SBF2: variants seen among roughly 807,000 people sequenced by gnomAD.
SBF2 encodes the protein myotubularin-related protein 13.
A neutral mutation model predicts 225.2 loss-of-function variants in SBF2; 112 were observed. The ratio of observed to expected loss-of-function variants is 0.50; its 90% CI spans 0.43 to 0.58. SBF2 has a LOEUF of 0.58. Ranked by LOEUF, SBF2 falls within the 20% of genes least tolerant of loss-of-function variation. The pLI is 0.00. For synonymous variants in SBF2, 763 were observed against 773.3 expected (o/e 0.99, Z 0.22); for missense variants, 1,996 against 2,206.2 (o/e 0.90, Z 1.91).
chr11:9,822,316 A>G (rs1228861653), intron 28 of SBF2, among the ~76,000 whole-genome samples: 1 of 142,504 alleles, frequency 7.0e-6, no homozygotes, highest in Non-Finnish European at 1.5e-5. Context: ...GCTGGAGTGC[A>G]GTGGCGCGAT....
At chr11:10,038,055 G>T (rs1949513516) in intron 3 of SBF2, among the ~76,000 whole-genome samples, 2 of 151,888 alleles carry the variant, frequency 1.3e-5, no homozygotes, top group African/African-American at 2.4e-5. Flanking sequence ...GTTGGACACT[G>T]ATCTCCTATA....
At chr11:9,968,769 T>G (rs2134389095) in intron 13 of SBF2, among the ~76,000 whole-genome samples, 1 of 152,312 alleles carries the variant, frequency 6.6e-6, no homozygotes, top group South Asian at 2.1e-4. Flanking sequence ...AACACTTTCT[T>G]TACTTGGTTT....
intron 6 of SBF2, among the ~76,000 whole-genome samples, chr11:10,004,225 C>G (rs1014237626): frequency 3.9e-5 from 6 of 152,000 alleles, no homozygotes; most frequent in Admixed American, 3.3e-4. Context: ...AATCTAAATA[C>G]AATTTTCAAG....
chr11:9,831,689 T>C (rs1350249241), intron 27 of SBF2, among the ~76,000 whole-genome samples: 3 of 152,234 alleles, frequency 2.0e-5, no homozygotes, highest in Non-Finnish European at 4.4e-5. Context: ...CCTCAGAATA[T>C]GGGACAGCTG....
At chr11:9,786,059 A>T (rs1220341080) in intron 36 of SBF2, among the ~76,000 whole-genome samples, 1 of 151,954 alleles carries the variant, frequency 6.6e-6, no homozygotes, top group Non-Finnish European at 1.5e-5. Context: ...GTAGAGACAG[A>T]GTTTCACCAT....
chr11:10,217,026 A>G (rs542857426), intron 1 of SBF2, among the ~76,000 whole-genome samples: 1 of 152,210 alleles, frequency 6.6e-6, no homozygotes, highest in Non-Finnish European at 1.5e-5. Flanking sequence ...TAAGTATACC[A>G]CTTTCCTTGC....
At position 9,858,276 on chromosome 11, in the gene SBF2, G is replaced by T. The variant is rs146987383; in HGVS notation, c.2050C>A (p.Leu684Ile). Residue 684 changes from leucine (L) to isoleucine (I), a missense_variant, in exon 18 of 40, where the codon CTT becomes ATT. Coordinates refer to ENST00000256190, the MANE Select transcript of SBF2 (RefSeq NM_030962.4). Reference protein sequence around the residue: ...YNAVQEQVRSLYLSAKEDNHA... With the variant: ...YNAVQEQVRSIYLSAKEDNHA... ...TTGTCTTCCTTGGCTGAGAGATAAAGGGAGCGAACCTGTTCCTGCACTGCA... is the reference window on the plus strand; with the variant it reads ...TTGTCTTCCTTGGCTGAGAGATAAATGGAGCGAACCTGTTCCTGCACTGCA... 6.2e-7 allele frequency: 1 copy of T among 1,614,178 alleles called. No individual in the cohort carries two copies. Among genetic ancestry groups the T allele is most frequent in the Admixed American group, 1.7e-5 (1 of 60,028 alleles).
intron 35 of SBF2, among the ~76,000 whole-genome samples, chr11:9,788,490 T>C (rs1266005430): frequency 6.6e-6 from 1 of 152,020 alleles, no homozygotes; most frequent in African/African-American, 2.4e-5. Flanking sequence ...AGCCAAGACC[T>C]GACTAAGGCT....
chr11:10,145,126 T>G (rs1376096964), intron 2 of SBF2, among the ~76,000 whole-genome samples: 1 of 152,148 alleles, frequency 6.6e-6, no homozygotes, highest in Non-Finnish European at 1.5e-5. Context: ...AGGGCCTCAG[T>G]TAGGACAACC....
chr11:10,047,391 G>T (rs1949903732), intron 2 of SBF2, among the ~76,000 whole-genome samples: 1 of 152,164 alleles, frequency 6.6e-6, no homozygotes, highest in African/African-American at 2.4e-5. Context: ...TAGTAGACAA[G>T]ACAGTGTGAT....
At chr11:10,081,419 A>T (rs1951358178) in intron 2 of SBF2, among the ~76,000 whole-genome samples, 1 of 152,232 alleles carries the variant, frequency 6.6e-6, no homozygotes, top group Non-Finnish European at 1.5e-5. Flanking sequence ...TCTGGGATAC[A>T]GCAAAAGCAG....
chr11:9,995,988 A>G (rs1016382593), intron 9 of SBF2, among the ~76,000 whole-genome samples: 1 of 152,008 alleles, frequency 6.6e-6, no homozygotes. Flanking sequence ...TTCACAGTAC[A>G]TTAAGTAGTA....
At chr11:9,876,930 G>A (rs1277608123) in intron 17 of SBF2, among the ~76,000 whole-genome samples, 2 of 152,036 alleles carry the variant, frequency 1.3e-5, no homozygotes, top group Non-Finnish European at 1.5e-5. Context: ...GTAAAGACAG[G>A]GTTTCACCAT....
chr11:10,222,407 G>A (rs1051747745), intron 1 of SBF2, among the ~76,000 whole-genome samples: 1 of 151,630 alleles, frequency 6.6e-6, no homozygotes, highest in African/African-American at 2.4e-5. Context: ...AACACAACAA[G>A]TTTGAAAAAT....
At position 9,993,388 on chromosome 11, in the gene SBF2, G is replaced by GTGTTCAGC. The variant is rs11281911; in HGVS notation, c.1054-293_1054-286dup. 0.18 allele frequency among the ~76,000 whole-genome samples: 27,389 copies of GTGTTCAGC among 151,986 alleles called. 2,563 individuals are homozygous for GTGTTCAGC. The highest frequency in any genetic ancestry group is 0.27 in the East Asian group (1,415 of 5,148). On this transcript the variant is annotated intron_variant, in intron 10 of 39. Transcript: ENST00000256190. ...GAAGGTCAAGAATGCTTAAGTATAT[G>GTGTTCAGC]TGTTCAGCTCCCTGAGGTTCCTTAT...
chr11:9,847,111 C>G, intron 22 of SBF2, 28 bp from the exon 23 acceptor site: 9 of 1,613,330 alleles, frequency 5.6e-6, no homozygotes, highest in Non-Finnish European at 7.6e-6. Context: ...ACAGCTTCAG[C>G]AACAACACTT....
In SBF2 at chr11:9,781,489, GAAGT is replaced by G. The variant is rs1326251358; in HGVS notation, c.5451+14_5451+17del. The G allele has an allele frequency of 3.1e-6, 5 of 1,614,110 alleles. No individual in the cohort carries two copies. Among genetic ancestry groups the G allele is most frequent in the Non-Finnish European group, 3.4e-6 (4 of 1,179,982 alleles). On this transcript the variant is annotated intron_variant, in intron 39 of 39. Transcript: ENST00000256190. ...ATGTGCAGACAGAGCCAGGAAAAGA[GAAGT>G]AAGATCAACTTACATCAAAGAAAGC...
At chr11:10,273,140 T>A (rs796623586) in intron 1 of SBF2, among the ~76,000 whole-genome samples, 4 of 152,264 alleles carry the variant, frequency 2.6e-5, no homozygotes, top group African/African-American at 9.6e-5. Context: ...TTTTGTAACA[T>A]GTAAATAGAA....
In SBF2 at chr11:10,294,131, C is replaced by T. The variant is rs1964360876; in HGVS notation, c.-62G>A. The T allele has an allele frequency of 2.4e-6, 3 of 1,255,666 alleles. No individual in the cohort carries two copies. Among genetic ancestry groups the T allele is most frequent in the South Asian group, 4.8e-5 (2 of 41,664 alleles). The allele number at this position is 1,255,666 out of a possible 1,614,324, so 77.8% of individuals were successfully genotyped here. ...CGCCGCCCTCGCCGCCGCCGCCCAC[C>T]CGGCCCGGGAGGGCTCAGCATTTTC... is the stretch of plus-strand genomic sequence containing the variant. On this transcript the variant is annotated 5_prime_UTR_variant, in exon 1 of 40. Transcript: ENST00000256190.
Sources: gnomAD v4.1 joint callset for allele counts (sites outside exome capture counted in the v4.1 genomes callset) on GRCh38, gnomAD v4.1.1 for gene constraint, MANE v1.5 for transcripts, NCBI Gene and HGNC (gene_info 2026-07-23, HGNC 2026-07-21) for gene names.